IL1RAPL1: variants seen among roughly 807,000 people sequenced by gnomAD.
IL1RAPL1 encodes interleukin 1 receptor accessory protein like 1.
IL1RAPL1 carries 3 observed loss-of-function variants against 48.4 expected under a neutral mutation model. That is an observed-to-expected ratio of 0.06 (90% confidence interval 0.03 to 0.16). The LOEUF (loss-of-function observed/expected upper bound fraction) is 0.16. Among genes scored for constraint, IL1RAPL1 ranks in the 10% least tolerant of loss-of-function variants. IL1RAPL1 has a pLI of 1.00. For missense variants in IL1RAPL1, 349 were observed against 530.6 expected, an observed-to-expected ratio of 0.66 and a Z score of 3.36; for synonymous variants, 185 against 187.7, an observed-to-expected ratio of 0.99 and a Z score of 0.12.
chrX:29,723,338 TC>T (rs1442715367), intron 6 of IL1RAPL1, among the ~76,000 whole-genome samples: 1 of 112,307 alleles, frequency 8.9e-6, no homozygotes, highest in Non-Finnish European at 1.9e-5. Context: ...AACCTGTGCC[TC>T]CCGGGCTCAA....
chrX:29,672,323 G>T, intron 6 of IL1RAPL1, among the ~76,000 whole-genome samples: 1 of 111,574 alleles, frequency 9.0e-6, no homozygotes, highest in East Asian at 2.8e-4. Context: ...ACTCCCACCA[G>T]AAGTATGTAA....
At chrX:29,584,855 A>G (rs1923105028) in intron 5 of IL1RAPL1, among the ~76,000 whole-genome samples, 2 of 112,078 alleles carry the variant, frequency 1.8e-5, no homozygotes, top group African/African-American at 6.5e-5. Context: ...TACCTGGCCC[A>G]TCCTACTTAA....
At chrX:28,825,767 T>C (rs186443625) in intron 2 of IL1RAPL1, among the ~76,000 whole-genome samples, 30 of 111,482 alleles carry the variant, frequency 2.7e-4, no homozygotes, top group Non-Finnish European at 4.7e-4. Context: ...CAGTGAATAG[T>C]AATTGATTAG....
At chrX:29,740,112 C>CA (rs1928159984) in intron 6 of IL1RAPL1, among the ~76,000 whole-genome samples, 4 of 30,306 alleles carry the variant, frequency 1.3e-4, no homozygotes, top group East Asian at 9.6e-4. Flanking sequence ...AACAAAAAAA[C>CA]AAAAAAACAG....
chrX:29,128,403 C>G (rs1476728157), intron 2 of IL1RAPL1, among the ~76,000 whole-genome samples: 1 of 111,481 alleles, frequency 9.0e-6, no homozygotes, highest in East Asian at 2.8e-4. Context: ...GAAGAACGTG[C>G]CATATTCTCT....
At chrX:29,601,665 C>T (rs1923723158) in intron 5 of IL1RAPL1, among the ~76,000 whole-genome samples, 1 of 111,984 alleles carries the variant, frequency 8.9e-6, no homozygotes, top group Non-Finnish European at 1.9e-5. Flanking sequence ...TGAGACTCTG[C>T]TAGGAGTCTT....
At chrX:29,704,722 T>C (rs1285643938) in intron 6 of IL1RAPL1, among the ~76,000 whole-genome samples, 3 of 111,331 alleles carry the variant, frequency 2.7e-5, no homozygotes, top group Non-Finnish European at 3.8e-5. Flanking sequence ...TACAGAAATT[T>C]CACCCAGGTT....
intron 3 of IL1RAPL1, among the ~76,000 whole-genome samples, chrX:29,313,791 C>A (rs945041455): frequency 8.9e-6 from 1 of 112,177 alleles, no homozygotes; most frequent in Non-Finnish European, 1.9e-5. Context: ...CCTCACCCTT[C>A]ATTCTTTGAG....
chrX:29,145,705 A>T (rs952939783), intron 2 of IL1RAPL1, among the ~76,000 whole-genome samples: 36 of 111,441 alleles, frequency 3.2e-4, no homozygotes, highest in African/African-American at 1.1e-3. Flanking sequence ...TTGTCCCCCA[A>T]AACTATTTAT....
intron 5 of IL1RAPL1, among the ~76,000 whole-genome samples, chrX:29,620,267 G>A (rs1924421120): frequency 8.9e-6 from 1 of 112,001 alleles, no homozygotes; most frequent in Non-Finnish European, 1.9e-5. Flanking sequence ...GTGTTCTGAA[G>A]AATGCGTCGT....
At chrX:28,694,683 T>C (rs909275951) in intron 1 of IL1RAPL1, among the ~76,000 whole-genome samples, 1 of 112,139 alleles carries the variant, frequency 8.9e-6, no homozygotes, top group Admixed American at 9.5e-5. Flanking sequence ...GGGTTGCAGC[T>C]CATATTATAA....
intron 5 of IL1RAPL1, among the ~76,000 whole-genome samples, chrX:29,629,044 G>T (rs1199285960): frequency 9.0e-6 from 1 of 111,623 alleles, no homozygotes; most frequent in Non-Finnish European, 1.9e-5. Flanking sequence ...TAAATAATTG[G>T]CACCTTTGAA....
intron 5 of IL1RAPL1, among the ~76,000 whole-genome samples, chrX:29,543,600 A>G (rs1841789883): frequency 9.0e-6 from 1 of 110,850 alleles, no homozygotes; most frequent in East Asian, 2.8e-4. Context: ...ACATATATAT[A>G]TATATATAAC....
At chrX:29,044,434 C>CAAAT (rs772398998) in intron 2 of IL1RAPL1, among the ~76,000 whole-genome samples, 21 of 109,650 alleles carry the variant, frequency 1.9e-4, no homozygotes, top group African/African-American at 3.7e-4. Context: ...CGTCTCTAAA[C>CAAAT]AAATAAATAA....
intron 2 of IL1RAPL1, among the ~76,000 whole-genome samples, chrX:29,126,622 G>C (rs1928905385): frequency 8.9e-6 from 1 of 112,206 alleles, no homozygotes; most frequent in South Asian, 3.7e-4. Flanking sequence ...ATTTAGAAAT[G>C]TGAAAGTGAC....
At chrX:29,257,992 G>T (rs1219585548) in intron 2 of IL1RAPL1, among the ~76,000 whole-genome samples, 1 of 111,400 alleles carries the variant, frequency 9.0e-6, no homozygotes, top group South Asian at 3.7e-4. Context: ...TTTAAATTCA[G>T]TCCTTGAAAT....
intron 6 of IL1RAPL1, among the ~76,000 whole-genome samples, chrX:29,770,285 T>A (rs780063329): frequency 7.7e-4 from 86 of 111,945 alleles, no homozygotes; most frequent in African/African-American, 2.6e-3. Context: ...GTTCGGTGCA[T>A]GTCTATTTCC....
chrX:28,680,193 T>C (rs1935043539), intron 1 of IL1RAPL1, among the ~76,000 whole-genome samples: 1 of 111,811 alleles, frequency 8.9e-6, no homozygotes, highest in Non-Finnish European at 1.9e-5. Context: ...CTAAATTTAT[T>C]CCCTAGTATT....
At chrX:29,419,611 G>A (rs939356275) in intron 5 of IL1RAPL1, among the ~76,000 whole-genome samples, 10 of 111,930 alleles carry the variant, frequency 8.9e-5, no homozygotes, top group Middle Eastern at 4.6e-3. Flanking sequence ...ATGAGCCACC[G>A]TGCCCGGCCT....
Sources: gnomAD v4.1 joint callset for allele counts (sites outside exome capture counted in the v4.1 genomes callset) on GRCh38, gnomAD v4.1.1 for gene constraint, MANE v1.5 for transcripts, NCBI Gene and HGNC (gene_info 2026-07-23, HGNC 2026-07-21) for gene names.